The following TENM1 variants were observed in gnomAD, a reference collection of about 807,000 sequenced individuals.
TENM1 encodes teneurin-1.
In TENM1, 35 loss-of-function variants were observed where a neutral mutation model predicts 174.8. The observed-to-expected ratio is 0.20, with a 90% CI of 0.15 to 0.27. TENM1 has a LOEUF of 0.27. Ranked by LOEUF, TENM1 falls within the 10% of genes least tolerant of loss-of-function variation. The probability of loss-of-function intolerance (pLI) is 1.00; values close to 1 mark genes in which losing one functional copy is unlikely to be tolerated. For missense variants in TENM1, 1,633 were observed against 2,130.1 expected (o/e 0.77, Z 4.59); for synonymous variants, 781 against 798.7 (o/e 0.98, Z 0.37).
intron 11 of TENM1, among the ~76,000 whole-genome samples, chrX:124,617,411 G>A (rs2050421115): frequency 8.9e-6 from 1 of 111,876 alleles, no homozygotes; most frequent in African/African-American, 3.2e-5. Flanking sequence ...GAAGCAGAGG[G>A]AAATTGAGAA....
the TENM1 span, among the ~76,000 whole-genome samples, chrX:125,178,761 G>A: frequency 2.7e-5 from 3 of 111,182 alleles, no homozygotes; most frequent in Admixed American, 2.9e-4. Context: ...TGCCACCTAT[G>A]AGCAAATTTA....
chrX:125,049,960 C>T, the TENM1 span, among the ~76,000 whole-genome samples: 1 of 109,200 alleles, frequency 9.2e-6, no homozygotes, highest in African/African-American at 3.3e-5. Flanking sequence ...TATGGGTTGT[C>T]ATTTTGATGT....
At chrX:124,825,124 C>A (rs372077989) in intron 3 of TENM1, among the ~76,000 whole-genome samples, 41 of 98,851 alleles carry the variant, frequency 4.1e-4, no homozygotes, top group African/African-American at 1.4e-3. Context: ...TAGTAGAAAT[C>A]AACAAATTTC....
At chrX:125,184,435 TC>T in the TENM1 span, among the ~76,000 whole-genome samples, 169 of 112,090 alleles carry the variant, frequency 1.5e-3, no homozygotes, top group Middle Eastern at 9.3e-3. Context: ...ACATTTTTTT[TC>T]CTATAGTAAT....
intron 3 of TENM1, among the ~76,000 whole-genome samples, chrX:124,760,074 G>A (rs1480669582): frequency 8.9e-6 from 1 of 111,916 alleles, no homozygotes; most frequent in African/African-American, 3.3e-5. Flanking sequence ...GGAGGAAGGG[G>A]TGGAGCCTCA....
At chrX:124,479,921 A>G (rs1286028821) in intron 22 of TENM1, among the ~76,000 whole-genome samples, 5 of 112,049 alleles carry the variant, frequency 4.5e-5, no homozygotes, top group Non-Finnish European at 9.4e-5. Context: ...CACTATGTAT[A>G]AGGAAAGAGC....
chrX:124,960,714 A>G (rs959518766), intron 1 of TENM1, among the ~76,000 whole-genome samples: 2 of 111,543 alleles, frequency 1.8e-5, no homozygotes, highest in Non-Finnish European at 3.8e-5. Flanking sequence ...ATTTCTACTC[A>G]CAATATATTA....
the TENM1 span, among the ~76,000 whole-genome samples, chrX:125,084,516 C>T: frequency 9.0e-6 from 1 of 110,881 alleles, no homozygotes; most frequent in Non-Finnish European, 1.9e-5. Context: ...CTTCCATAGT[C>T]CCTAGTACAT....
intron 3 of TENM1, among the ~76,000 whole-genome samples, chrX:124,829,085 G>A (rs2056233558): frequency 9.0e-6 from 1 of 111,582 alleles, no homozygotes; most frequent in African/African-American, 3.3e-5. Flanking sequence ...CTTCAAGAAA[G>A]TCTCCCCTCT....
chrX:124,553,269 G>T (rs886088323), intron 14 of TENM1, among the ~76,000 whole-genome samples: 3 of 110,061 alleles, frequency 2.7e-5, no homozygotes, highest in African/African-American at 6.6e-5. Context: ...GACTGAGGGG[G>T]GGGGTGGATC....
chrX:124,478,207 T>C (rs1009512105), intron 22 of TENM1, among the ~76,000 whole-genome samples: 1 of 112,569 alleles, frequency 8.9e-6, no homozygotes, highest in African/African-American at 3.2e-5. Context: ...CCTGTCTATC[T>C]TCGTGTTCGG....
the TENM1 span, among the ~76,000 whole-genome samples, chrX:124,977,959 TGTGTGTGTGAGAGAGAGAGAGAGAGA>T: frequency 5.4e-5 from 3 of 55,794 alleles, no homozygotes; most frequent in African/African-American, 2.1e-4. Context: ...TGTGTGTGTG[TGTGTGTGTGAGAGAGAGAGAGAGAGA>T]GAGAGAGAGA....
At chrX:124,974,888 C>CTATATATATATATATATATATATATA in the TENM1 span, among the ~76,000 whole-genome samples, 15 of 72,753 alleles carry the variant, frequency 2.1e-4, 2 homozygotes, top group South Asian at 5.4e-4. Flanking sequence ...GGGACTGACA[C>CTATATATATATATATATATATATATA]TATATATATA....
intron 1 of TENM1, among the ~76,000 whole-genome samples, chrX:124,956,220 T>C (rs1203207899): frequency 8.9e-6 from 1 of 112,014 alleles, no homozygotes; most frequent in Non-Finnish European, 1.9e-5. Context: ...ATCAATCATA[T>C]TGCATCACTA....
the TENM1 span, among the ~76,000 whole-genome samples, chrX:125,066,256 C>T: frequency 1.8e-5 from 2 of 111,444 alleles, no homozygotes; most frequent in Non-Finnish European, 3.8e-5. Context: ...ATCATTTATG[C>T]CTGGGTCAGT....
intron 22 of TENM1, among the ~76,000 whole-genome samples, chrX:124,466,333 T>C (rs1489089555): frequency 8.9e-6 from 1 of 112,188 alleles, no homozygotes; most frequent in Non-Finnish European, 1.9e-5. Context: ...GTGACTCTGA[T>C]AAAGGAATGA....
intron 3 of TENM1, among the ~76,000 whole-genome samples, chrX:124,824,568 G>T (rs1487161354): frequency 8.9e-6 from 1 of 111,916 alleles, no homozygotes; most frequent in Non-Finnish European, 1.9e-5. Context: ...ATAATTTTAT[G>T]ATCTTTGCAT....
At chrX:125,046,389 G>A in the TENM1 span, among the ~76,000 whole-genome samples, 25 of 112,032 alleles carry the variant, frequency 2.2e-4, no homozygotes, top group Admixed American at 1.0e-3. Flanking sequence ...CATTTCTAGT[G>A]GGGAGAAAAG....
intron 1 of TENM1, among the ~76,000 whole-genome samples, chrX:124,900,537 T>C (rs1017343647): frequency 3.6e-5 from 4 of 111,656 alleles, no homozygotes; most frequent in Non-Finnish European, 7.5e-5. Flanking sequence ...TAAGTGTAGT[T>C]TATTATACTT....
Sources: allele counts gnomAD v4.1 joint callset (sites outside exome capture counted in the v4.1 genomes callset), GRCh38; gene constraint gnomAD v4.1.1; transcripts MANE v1.5; gene names NCBI Gene and HGNC (gene_info 2026-07-23, HGNC 2026-07-21).